The following SCRN3 variants were observed in gnomAD, a reference collection of about 807,000 sequenced individuals.
SCRN3 encodes secernin-3.
SCRN3 carries 39 observed loss-of-function variants against 43.1 expected under a neutral mutation model. The observed-to-expected ratio is 0.91, with a 90% CI of 0.70 to 1.18. The LOEUF (loss-of-function observed/expected upper bound fraction) is 1.18. Ranked by LOEUF, SCRN3 falls within the 50% of genes most tolerant of loss-of-function variation. The probability of loss-of-function intolerance (pLI) is 0.00; values close to 1 mark genes in which losing one functional copy is unlikely to be tolerated. For synonymous variants in SCRN3, 147 were observed against 163.1 expected (o/e 0.90, Z 0.75); for missense variants, 484 against 498.0 (o/e 0.97, Z 0.27).
In SCRN3 at chr2:174,422,468, G is replaced by A. The variant is rs111664380; in HGVS notation, c.755-417G>A. ...ATGCGACTTTAGTCCCAGCTACTTG[G>A]GAGGCTGAGGCACGAGAATCACTTG... On this transcript the variant is annotated intron_variant, in intron 5 of 7. Transcript: ENST00000272732. Among the ~76,000 whole-genome samples the A allele has an allele frequency of 8.2e-3, 1,253 of 152,116 alleles. 11 individuals carry two copies. Among genetic ancestry groups the A allele is most frequent in the South Asian group, 0.02 (96 of 4,810 alleles).
In SCRN3 at chr2:174,400,157, G is replaced by A. The variant is rs1685457820; in HGVS notation, c.341+54G>A. ...GACCTTGTCTAAATTTATAATTTTT[G>A]TGTAACTCTTACTTGTTTTATTTTC... On this transcript the variant is annotated intron_variant, in intron 3 of 7. Coordinates refer to ENST00000272732, the MANE Select transcript of SCRN3 (RefSeq NM_024583.5). 3.9e-6 allele frequency: 5 copies of A among 1,273,862 alleles called. No individual in the cohort carries two copies. The Admixed American group carries it at 1.4e-4, about 36-fold the overall frequency. 78.9% of individuals were successfully genotyped at this position (1,273,862 alleles called of 1,614,324 possible). A position where few individuals can be genotyped will look rare whatever the true frequency, so the allele number is the denominator to read the frequency against.
chr2:174,401,860 G>A (rs549265372), intron 4 of SCRN3, among the ~76,000 whole-genome samples: 10 of 152,146 alleles, frequency 6.6e-5, no homozygotes, highest in South Asian at 4.2e-4. Flanking sequence ...TGTCCTTCTC[G>A]GGTATTTAAC....
intron 5 of SCRN3, among the ~76,000 whole-genome samples, chr2:174,422,293 C>T (rs1488379542): frequency 6.6e-6 from 1 of 152,074 alleles, no homozygotes; most frequent in African/African-American, 2.4e-5. Context: ...CAGGCATAGG[C>T]TGGGTGCAGT....
At chr2:174,411,835 C>A (rs1184139222) in intron 5 of SCRN3, among the ~76,000 whole-genome samples, 2 of 152,106 alleles carry the variant, frequency 1.3e-5, no homozygotes, top group African/African-American at 4.8e-5. Context: ...GCAGGAGAAT[C>A]GCTTGAACCT....
Position 174,428,023 on chromosome 2 carries a change from T to C in SCRN3, c.*128T>C. On this transcript the variant is annotated 3_prime_UTR_variant, in exon 8 of 8. Transcript: ENST00000272732. The stretch of plus-strand genomic sequence containing the variant: ...AGATCTGATTATTCTTGGATAGTAT[T>C]CAAGTGGTATCTTGACTATTAAACT... 1 of 563,622 alleles carries C rather than the reference T, an allele frequency of 1.8e-6. No individual in the cohort carries two copies. The highest frequency in any genetic ancestry group is 3.1e-6 in the Non-Finnish European group (1 of 325,434). The allele number at this position is 563,622 out of a possible 1,614,324, so 34.9% of individuals were successfully genotyped here. A position where few individuals can be genotyped will look rare whatever the true frequency, so the allele number is the denominator to read the frequency against.
chr2:174,420,665 A>G (rs373732715), intron 5 of SCRN3, among the ~76,000 whole-genome samples: 1 of 152,230 alleles, frequency 6.6e-6, no homozygotes, highest in Admixed American at 6.5e-5. Context: ...CTGAAAAATT[A>G]TAACTGAAAT....
chr2:174,418,076 G>C (rs893094492), intron 5 of SCRN3, among the ~76,000 whole-genome samples: 3 of 151,900 alleles, frequency 2.0e-5, no homozygotes, highest in African/African-American at 7.3e-5. Context: ...AGGGTAATTG[G>C]ACAAAAGAAA....
intron 5 of SCRN3, among the ~76,000 whole-genome samples, chr2:174,406,131 C>A (rs1311641530): frequency 1.4e-5 from 2 of 138,080 alleles, no homozygotes; most frequent in African/African-American, 2.5e-5. Flanking sequence ...TCTTTTATTT[C>A]TTTGAGCAGT....
intron 7 of SCRN3, among the ~76,000 whole-genome samples, chr2:174,427,392 C>T (rs1287278858): frequency 2.0e-5 from 3 of 152,132 alleles, no homozygotes; most frequent in East Asian, 3.8e-4. Context: ...CCTCAGTTTT[C>T]AGCAACCTTC....
chr2:174,396,231 G>A, intron 1 of SCRN3: 1 of 934,458 alleles, frequency 1.1e-6, no homozygotes. Context: ...CCAGCTGTAC[G>A]GTACTGGCGC....
chr2:174,398,155 C>T lies in SCRN3; in HGVS notation c.-9-120C>T, dbSNP rs1017800037. 5.0e-6 allele frequency: 3 copies of T among 605,814 alleles called. No individual in the cohort carries two copies. In the African/African-American group the frequency reaches 5.9e-5, roughly 12 times the overall value. 37.5% of individuals were successfully genotyped at this position (605,814 alleles called of 1,614,324 possible). A position where few individuals can be genotyped will look rare whatever the true frequency, so the allele number is the denominator to read the frequency against. On this transcript the variant is annotated intron_variant, in intron 1 of 7. Coordinates refer to ENST00000272732, the MANE Select transcript of SCRN3 (RefSeq NM_024583.5). ...AAAAATAAAAATAAAAAAATCAAAG[C>T]TTTAATGAACATCCTTAATTAGATA...
chr2:174,413,367 G>A (rs1407024847), intron 5 of SCRN3, among the ~76,000 whole-genome samples: 3 of 152,058 alleles, frequency 2.0e-5, no homozygotes, highest in Non-Finnish European at 4.4e-5. Context: ...ACTTTAGTTG[G>A]TTGTACTCAG....
At chr2:174,399,148 T>C (rs143875209) in intron 2 of SCRN3, among the ~76,000 whole-genome samples, 40 of 152,350 alleles carry the variant, frequency 2.6e-4, no homozygotes, top group Non-Finnish European at 5.0e-4. Context: ...TTGTTGCTAA[T>C]TCATACTTTT....
At chr2:174,406,735 G>T in intron 5 of SCRN3, among the ~76,000 whole-genome samples, 1 of 136,204 alleles carries the variant, frequency 7.3e-6, no homozygotes, top group Non-Finnish European at 1.7e-5. Flanking sequence ...TTTTGTCTTT[G>T]GCTCTGTTTA....
At position 174,395,747 on chromosome 2, in the gene SCRN3, C is replaced by G; in HGVS notation, c.-80C>G. Reference sequence around the variant, plus strand: ...CTTCCGAGATCAAAGGTGACAGCTTCCGGCAACTGATGCCTCCACTGGCCA... The same window carrying G: ...CTTCCGAGATCAAAGGTGACAGCTTGCGGCAACTGATGCCTCCACTGGCCA... On this transcript the variant is annotated 5_prime_UTR_variant, in exon 1 of 8. Transcript: ENST00000272732. 6.3e-7 allele frequency: 1 copy of G among 1,597,214 alleles called. No homozygotes were observed. The highest frequency in any genetic ancestry group is 8.5e-7 in the Non-Finnish European group (1 of 1,170,814).
rs16862567 is a variant in SCRN3 at position 174,424,822 on chromosome 2, C to T, written c.1092+173C>T. Among the ~76,000 whole-genome samples the T allele has an allele frequency of 7.3e-3, 1,117 of 152,274 alleles. 11 individuals carry two copies. Among genetic ancestry groups the T allele is most frequent in the African/African-American group, 0.026 (1,068 of 41,562 alleles). On this transcript the variant is annotated intron_variant, in intron 7 of 7. Coordinates refer to ENST00000272732, the MANE Select transcript of SCRN3 (RefSeq NM_024583.5). ...TTATTTTTATCTTTGGTTATGAATA[C>T]ATGTATGTGAATCTTGTAGAGAAAC...
At chr2:174,418,234 A>G (rs1686182740) in intron 5 of SCRN3, among the ~76,000 whole-genome samples, 1 of 152,218 alleles carries the variant, frequency 6.6e-6, no homozygotes, top group Non-Finnish European at 1.5e-5. Context: ...CTTTTTCTCA[A>G]GTGTGAAATA....
At chr2:174,426,498 G>A (rs1383325086) in intron 7 of SCRN3, among the ~76,000 whole-genome samples, 4 of 152,102 alleles carry the variant, frequency 2.6e-5, no homozygotes, top group South Asian at 2.1e-4. Flanking sequence ...CAGGCCGGGC[G>A]CGGTGGCTCA....
intron 6 of SCRN3, among the ~76,000 whole-genome samples, chr2:174,423,742 T>C (rs1456783264): frequency 6.6e-6 from 1 of 151,316 alleles, no homozygotes; most frequent in Non-Finnish European, 1.5e-5. Context: ...ATGCTGGGAT[T>C]ACAGGCGTGA....
Sources: gnomAD v4.1 joint callset for allele counts (sites outside exome capture counted in the v4.1 genomes callset) on GRCh38, gnomAD v4.1.1 for gene constraint, MANE v1.5 for transcripts, NCBI Gene and HGNC (gene_info 2026-07-23, HGNC 2026-07-21) for gene names.